The following RAB27A variants were observed in gnomAD, a reference collection of about 807,000 sequenced individuals.
RAB27A encodes the protein ras-related protein Rab-27A.
A neutral mutation model predicts 20.8 loss-of-function variants in RAB27A; 17 were observed. That is an observed-to-expected ratio of 0.82 (90% confidence interval 0.56 to 1.23). The LOEUF (loss-of-function observed/expected upper bound fraction) is 1.23, where lower values mean the gene tolerates loss of function less well. RAB27A is among the 50% of genes most tolerant of loss of function. The probability of loss-of-function intolerance (pLI) is 0.00; values close to 1 mark genes in which losing one functional copy is unlikely to be tolerated. For synonymous variants in RAB27A, 85 were observed against 92.8 expected (o/e 0.92, Z 0.48); for missense variants, 277 against 266.7 (o/e 1.04, Z -0.27).
intron 2 of RAB27A, among the ~76,000 whole-genome samples, chr15:55,262,403 G>C (rs552540965): frequency 6.6e-6 from 1 of 151,706 alleles, no homozygotes; most frequent in East Asian, 2.0e-4. Flanking sequence ...TTAGCCGGGC[G>C]TGGTGGTAGG....
In RAB27A at chr15:55,228,717, G is replaced by C. The variant is rs750942183; in HGVS notation, c.240-5C>G. 1.3e-6 allele frequency: 2 copies of C among 1,599,646 alleles called. No individual in the cohort carries two copies. Among genetic ancestry groups the C allele is most frequent in the Admixed American group, 3.3e-5 (2 of 59,982 alleles). ...GCTGTCGTTAAGCTACGAAACCTAG[G>C]AACATAAAAGCAGAATGGTCAGTTA... On this transcript the variant is annotated splice_region_variant and splice_polypyrimidine_tract_variant and intron_variant, in intron 4 of 6. Transcript: ENST00000336787.
intron 2 of RAB27A, among the ~76,000 whole-genome samples, chr15:55,240,746 T>C (rs996390458): frequency 6.6e-6 from 1 of 152,206 alleles, no homozygotes. Flanking sequence ...GAAGAGATTC[T>C]ATTTTATCAA....
intron 2 of RAB27A, among the ~76,000 whole-genome samples, chr15:55,242,690 C>G (rs1044344875): frequency 6.6e-6 from 1 of 152,156 alleles, no homozygotes; most frequent in Non-Finnish European, 1.5e-5. Context: ...TTTTGGGGCG[C>G]CCTATCCATC....
At chr15:55,207,678 T>TTTTTG (rs1270744824) in intron 6 of RAB27A, among the ~76,000 whole-genome samples, 2 of 152,076 alleles carry the variant, frequency 1.3e-5, no homozygotes, top group African/African-American at 4.8e-5. Context: ...TTTGTTTTTG[T>TTTTTG]TTTTGTTTTG....
At chr15:55,209,057 A>C (rs528948868) in intron 6 of RAB27A, among the ~76,000 whole-genome samples, 22 of 152,320 alleles carry the variant, frequency 1.4e-4, no homozygotes, top group African/African-American at 5.3e-4. Flanking sequence ...AAATATGATC[A>C]TTTAATACAC....
At chr15:55,241,978 G>A (rs1896511374) in intron 2 of RAB27A, among the ~76,000 whole-genome samples, 2 of 152,004 alleles carry the variant, frequency 1.3e-5, no homozygotes, top group African/African-American at 4.8e-5. Flanking sequence ...GAAAGATCTA[G>A]TTCTATTTCT....
intron 6 of RAB27A, among the ~76,000 whole-genome samples, chr15:55,214,176 C>T (rs770211999): frequency 3.5e-4 from 53 of 152,226 alleles, no homozygotes; most frequent in Non-Finnish European, 6.5e-4. Context: ...ATGGCTGATG[C>T]CTGTAATCCC....
intron 1 of RAB27A, among the ~76,000 whole-genome samples, chr15:55,272,006 G>A (rs1229968138): frequency 6.6e-6 from 1 of 152,084 alleles, no homozygotes; most frequent in African/African-American, 2.4e-5. Context: ...CAGCAACCTC[G>A]AGAATTTTGA....
At chr15:55,246,389 A>G (rs1352207945) in intron 2 of RAB27A, among the ~76,000 whole-genome samples, 2 of 151,418 alleles carry the variant, frequency 1.3e-5, no homozygotes, top group African/African-American at 4.8e-5. Flanking sequence ...GTTCTGGAAG[A>G]CCAATGTCAA....
intron 2 of RAB27A, among the ~76,000 whole-genome samples, chr15:55,302,318 C>T (rs867183871): frequency 8.5e-5 from 13 of 152,174 alleles, no homozygotes; most frequent in Admixed American, 6.5e-5. Flanking sequence ...CGAGTGATCC[C>T]GCCAACCTCG....
intron 6 of RAB27A, among the ~76,000 whole-genome samples, chr15:55,211,402 C>T (rs1341468939): frequency 6.6e-6 from 1 of 151,944 alleles, no homozygotes; most frequent in Non-Finnish European, 1.5e-5. Flanking sequence ...AATATTTTTC[C>T]ATTTTTGGTG....
At chr15:55,239,939 A>T (rs1340711745) in intron 2 of RAB27A, among the ~76,000 whole-genome samples, 1 of 151,996 alleles carries the variant, frequency 6.6e-6, no homozygotes, top group Non-Finnish European at 1.5e-5. Context: ...TAGTGGAATT[A>T]CCCCATCTTT....
At position 55,285,912 on chromosome 15, in the gene RAB27A, G is replaced by A. The variant is rs201373384; in HGVS notation, c.-143+3804C>T. On this transcript the variant is annotated intron_variant, in intron 1 of 6. Transcript: ENST00000336787. ...GCCCAGGATATAGACAGAGGGCTCC[G>A]GTCTGCCACTGTGGGAGGGACCAAA... is the stretch of plus-strand genomic sequence containing the variant. 2.6e-4 allele frequency among the ~76,000 whole-genome samples: 40 copies of A among 152,290 alleles called. 1 individual carries two copies. In the East Asian group the frequency reaches 6.2e-3, roughly 24 times the overall value.
chr15:55,221,928 T>A (rs1037698831), intron 6 of RAB27A, among the ~76,000 whole-genome samples: 3 of 152,072 alleles, frequency 2.0e-5, no homozygotes, highest in Admixed American at 2.0e-4. Context: ...ACCAGCTGGT[T>A]CTCACTTTTT....
chr15:55,284,550 T>TA (rs1270086107), intron 1 of RAB27A, among the ~76,000 whole-genome samples: 1 of 152,226 alleles, frequency 6.6e-6, no homozygotes, highest in African/African-American at 2.4e-5. Context: ...TTTCAACAGT[T>TA]ATGCGGCTCT....
intron 2 of RAB27A, among the ~76,000 whole-genome samples, chr15:55,268,573 T>A (rs913147705): frequency 2.0e-5 from 3 of 152,094 alleles, no homozygotes; most frequent in African/African-American, 7.2e-5. Context: ...AGTGTGAGAG[T>A]GGCTACAACT....
At chr15:55,210,731 T>C (rs1013724595) in intron 6 of RAB27A, among the ~76,000 whole-genome samples, 1 of 152,118 alleles carries the variant, frequency 6.6e-6, no homozygotes, top group Non-Finnish European at 1.5e-5. Context: ...CTCTTCATTT[T>C]GTTGTTTCCT....
chr15:55,309,668 T>G (rs1458460729), intron 2 of RAB27A, among the ~76,000 whole-genome samples: 1 of 152,096 alleles, frequency 6.6e-6, no homozygotes, highest in Admixed American at 6.6e-5. Flanking sequence ...ATCCTTAAGG[T>G]CCAGGACTGT....
intron 6 of RAB27A, among the ~76,000 whole-genome samples, chr15:55,222,618 T>TC (rs1429475066): frequency 6.6e-6 from 1 of 151,858 alleles, no homozygotes; most frequent in African/African-American, 2.4e-5. Context: ...CAACCTATCC[T>TC]CCCCCTCCCT....
Sources: gnomAD v4.1 joint callset for allele counts (sites outside exome capture counted in the v4.1 genomes callset) on GRCh38, gnomAD v4.1.1 for gene constraint, MANE v1.5 for transcripts, NCBI Gene and HGNC (gene_info 2026-07-23, HGNC 2026-07-21) for gene names.